The following ERC1 variants were observed in gnomAD, a reference collection of about 807,000 sequenced individuals.
ERC1 encodes the protein RAB6 interacting protein 2.
In ERC1, 56 loss-of-function variants were observed where a neutral mutation model predicts 132.0. The ratio of observed to expected loss-of-function variants is 0.42; its 90% CI spans 0.34 to 0.53. The LOEUF is 0.53. ERC1 is among the 20% of genes least tolerant of loss of function. The pLI is 0.03. For missense variants in ERC1, 1,202 were observed against 1,349.9 expected (o/e 0.89, Z 1.72); for synonymous variants, 478 against 476.1 (o/e 1.00, Z -0.05).
chr12:1,418,062 G>T (rs1454235833), intron 17 of ERC1, among the ~76,000 whole-genome samples: 3 of 152,184 alleles, frequency 2.0e-5, no homozygotes, highest in African/African-American at 7.2e-5. Flanking sequence ...CTGGTACACA[G>T]TAGAAGCCAG....
intron 16 of ERC1, among the ~76,000 whole-genome samples, chr12:1,399,530 A>G (rs1213631555): frequency 6.6e-6 from 1 of 152,336 alleles, no homozygotes; most frequent in African/African-American, 2.4e-5. Context: ...TTGCTGCTCA[A>G]ATTGTTAAAT....
chr12:1,203,172 C>A (rs546492363), intron 12 of ERC1, among the ~76,000 whole-genome samples: 2 of 152,218 alleles, frequency 1.3e-5, no homozygotes, highest in African/African-American at 4.8e-5. Context: ...ATTCTTGTGC[C>A]TCAGCCTCCT....
intron 7 of ERC1, among the ~76,000 whole-genome samples, chr12:1,123,175 A>G (rs1236099285): frequency 2.0e-5 from 3 of 152,188 alleles, no homozygotes; most frequent in Non-Finnish European, 4.4e-5. Context: ...TTACTTAAGA[A>G]GATAATGATA....
intron 18 of ERC1, among the ~76,000 whole-genome samples, chr12:1,473,211 TAG>T (rs1383361194): frequency 1.3e-5 from 2 of 151,988 alleles, no homozygotes; most frequent in Non-Finnish European, 2.9e-5. Context: ...TTTTTTTAAG[TAG>T]AGACAGGGTT....
At chr12:1,454,478 G>T (rs1280274450) in intron 18 of ERC1, among the ~76,000 whole-genome samples, 1 of 152,136 alleles carries the variant, frequency 6.6e-6, no homozygotes, top group Non-Finnish European at 1.5e-5. Context: ...CTGGAGGGTG[G>T]ATACTGTGGG....
In ERC1 at chr12:1,380,444, C is replaced by G. The variant is rs940666098; in HGVS notation, c.2925+8467C>G. On this transcript the variant is annotated intron_variant, in intron 16 of 18. Coordinates refer to ENST00000360905, the MANE Select transcript of ERC1 (RefSeq NM_178040.4). ...CTTCTCAGATAAGCACAAGGCAAATCAACAAGTCTGATGGAATGAGATGCC... is the reference window on the plus strand; with the variant it reads ...CTTCTCAGATAAGCACAAGGCAAATGAACAAGTCTGATGGAATGAGATGCC... The G allele has an allele frequency of 5.9e-5, 9 of 152,386 alleles. 1 individual carries two copies. Among genetic ancestry groups the G allele is most frequent in the Admixed American group, 2.0e-4 (3 of 15,304 alleles). The allele number at this position is 152,386 out of a possible 1,614,324, so 9.4% of individuals were successfully genotyped here. A position where few individuals can be genotyped will look rare whatever the true frequency, so the allele number is the denominator to read the frequency against.
chr12:1,345,587 A>G (rs891451949), intron 15 of ERC1, among the ~76,000 whole-genome samples: 4 of 152,138 alleles, frequency 2.6e-5, no homozygotes, highest in African/African-American at 9.7e-5. Context: ...TTTTATTTTT[A>G]TTTTAATCAG....
chr12:1,218,819 C>CATATATATATATATAT (rs369422257), intron 12 of ERC1, among the ~76,000 whole-genome samples: 1 of 148,488 alleles, frequency 6.7e-6, no homozygotes, highest in African/African-American at 2.5e-5. Context: ...GTCCTATTCT[C>CATATATATATATATAT]ATATATATAT....
intron 18 of ERC1, among the ~76,000 whole-genome samples, chr12:1,447,531 G>C: frequency 7.0e-6 from 1 of 143,004 alleles, no homozygotes; most frequent in South Asian, 2.3e-4. Context: ...CAAACAAACA[G>C]CAACAACAAC....
chr12:1,103,757 C>T (rs1226483429), intron 3 of ERC1, among the ~76,000 whole-genome samples: 1 of 152,082 alleles, frequency 6.6e-6, no homozygotes, highest in African/African-American at 2.4e-5. Flanking sequence ...AGGCTGGTCT[C>T]GAACCCCTGG....
At position 1,121,256 on chromosome 12, in the gene ERC1, C is replaced by T. The variant is rs568589173; in HGVS notation, c.1569+5223C>T. Among the ~76,000 whole-genome samples, 7 of 152,340 alleles carry T rather than the reference C, an allele frequency of 4.6e-5. No individual in the cohort carries two copies. The East Asian group carries it at 5.8e-4, about 13-fold the overall frequency. On this transcript the variant is annotated intron_variant, in intron 7 of 18. Transcript: ENST00000360905. The stretch of plus-strand genomic sequence containing the variant: ...TCTTGATCATAACGCTGCAATTCCT[C>T]CCTGTGCAGAGAGAATATAGTGACA...
rs1451520282 is a variant in ERC1 at position 1,263,162 on chromosome 12, A to G, written c.2616A>G (p.Lys872=). The G allele has an allele frequency of 6.2e-7, 1 of 1,613,806 alleles. No individual in the cohort carries two copies. Among genetic ancestry groups the G allele is most frequent in the African/African-American group, 1.3e-5 (1 of 74,904 alleles). ...QEESARTNAE[K]QVEELLMAME... ...AATCAGCCAGGACCAATGCTGAAAA[A>G]CAGGTCTGCTATTTTATACAGTTCC... Residue 872 remains lysine (K), a synonymous_variant, in exon 14 of 19, where the codon AAA becomes AAG. Transcript: ENST00000360905.
At chr12:1,162,961 T>C (rs1202246083) in intron 8 of ERC1, among the ~76,000 whole-genome samples, 1 of 152,194 alleles carries the variant, frequency 6.6e-6, no homozygotes, top group Non-Finnish European at 1.5e-5. Flanking sequence ...GGAGAATATG[T>C]ATAGTTAAAC....
chr12:1,110,790 G>A (rs1945769911), intron 5 of ERC1, among the ~76,000 whole-genome samples: 1 of 152,052 alleles, frequency 6.6e-6, no homozygotes. Flanking sequence ...TGCAGCCTCT[G>A]CCTCCATGTT....
At chr12:1,239,911 T>A (rs2075682808) in intron 13 of ERC1, among the ~76,000 whole-genome samples, 1 of 152,198 alleles carries the variant, frequency 6.6e-6, no homozygotes, top group South Asian at 2.1e-4. Flanking sequence ...TTCAGTAAGT[T>A]TGGGGAAAGC....
intron 3 of ERC1, among the ~76,000 whole-genome samples, chr12:1,104,007 CTGAT>C (rs35991868): frequency 0.63 from 93,055 of 148,040 alleles, 29,696 homozygotes; most frequent in East Asian, 0.9. Context: ...GAAGTACTGA[CTGAT>C]TTATTTAGAG....
intron 15 of ERC1, among the ~76,000 whole-genome samples, chr12:1,364,525 C>T (rs2086470550): frequency 6.6e-6 from 1 of 152,216 alleles, no homozygotes; most frequent in Non-Finnish European, 1.5e-5. Flanking sequence ...TCTTCAGCTT[C>T]TCTGCCATTT....
chr12:1,400,121 A>T (rs1370552805), intron 16 of ERC1, among the ~76,000 whole-genome samples: 1 of 152,020 alleles, frequency 6.6e-6, no homozygotes, highest in African/African-American at 2.4e-5. Context: ...TTTGTTTTAT[A>T]TTGTATTGCT....
intron 6 of ERC1, 147 bp from the exon 7 acceptor site, chr12:1,115,719 T>G (rs975379305): frequency 2.8e-5 from 18 of 645,362 alleles, no homozygotes; most frequent in African/African-American, 2.8e-4. Flanking sequence ...GATCCAAGGT[T>G]ATGTCATGCA....
Sources: gnomAD v4.1 joint callset for allele counts (sites outside exome capture counted in the v4.1 genomes callset) on GRCh38, gnomAD v4.1.1 for gene constraint, MANE v1.5 for transcripts, NCBI Gene and HGNC (gene_info 2026-07-23, HGNC 2026-07-21) for gene names.